Variants in GPR158 observed in about 807,000 individuals in gnomAD.
GPR158 encodes the protein G protein-coupled receptor 158.
Under a neutral mutation model 78.2 loss-of-function variants are expected in GPR158, and 30 were observed. The ratio of observed to expected loss-of-function variants is 0.38; its 90% CI spans 0.29 to 0.52. The LOEUF (loss-of-function observed/expected upper bound fraction) is 0.52. Ranked by LOEUF, GPR158 falls within the 20% of genes least tolerant of loss-of-function variation. The pLI is 0.83. For synonymous variants in GPR158, 581 were observed against 591.1 expected, an observed-to-expected ratio of 0.98 and a Z score of 0.25; for missense variants, 1,463 against 1,523.5, an observed-to-expected ratio of 0.96 and a Z score of 0.66.
chr10:25,236,298 GATCAAAACC>G (rs1853524068), intron 2 of GPR158, among the ~76,000 whole-genome samples: 1 of 152,072 alleles, frequency 6.6e-6, no homozygotes, highest in Admixed American at 6.6e-5. Context: ...GAGCTCAGGA[GATCAAAACC>G]CTCCTGGCTA....
chr10:25,232,772 A>AT (rs989892073), intron 2 of GPR158, among the ~76,000 whole-genome samples: 7 of 152,212 alleles, frequency 4.6e-5, no homozygotes, highest in Non-Finnish European at 8.8e-5. Context: ...ATTTCAAATT[A>AT]TTTTTGTCAT....
Position 25,572,820 on chromosome 10 carries a change from G to A in GPR158, c.1686G>A (p.Gly562=). The A allele has an allele frequency of 6.2e-7, 1 of 1,613,946 alleles. No homozygotes were observed. Among genetic ancestry groups the A allele is most frequent in the Non-Finnish European group, 8.5e-7 (1 of 1,179,858 alleles). Residue 562 remains glycine (G), a synonymous_variant, in exon 7 of 11, where the codon GGG becomes GGA. Coordinates refer to ENST00000376351, the MANE Select transcript of GPR158 (RefSeq NM_020752.3). ...LEKQISLIGQ[G]KTSDHLIFNM... ...AACAGATTTCACTTATTGGCCAGGG[G>A]AAAACATCCGATCACCTCATCTTCA...
chr10:25,241,923 G>A lies in GPR158; in HGVS notation c.1008+20766G>A, dbSNP rs548790737. ...CCATTAGTTGAGACACTCCAATGGA[G>A]GCATTTTAAAAAGTCTCTTGTACTT... On this transcript the variant is annotated intron_variant, in intron 2 of 10. Coordinates refer to ENST00000376351, the MANE Select transcript of GPR158 (RefSeq NM_020752.3). Among the ~76,000 whole-genome samples, 36 of 152,278 alleles carry A rather than the reference G, an allele frequency of 2.4e-4. 1 individual carries two copies. The highest frequency in any genetic ancestry group is 8.7e-4 in the African/African-American group (36 of 41,564).
chr10:25,391,838 C>G (rs1370043341), intron 2 of GPR158, among the ~76,000 whole-genome samples: 1 of 152,046 alleles, frequency 6.6e-6, no homozygotes, highest in Non-Finnish European at 1.5e-5. Context: ...GGCTATGTCC[C>G]CACCCAAATC....
intron 5 of GPR158, among the ~76,000 whole-genome samples, chr10:25,504,239 A>G (rs543651524): frequency 2.0e-5 from 3 of 152,296 alleles, no homozygotes; most frequent in East Asian, 1.9e-4. Context: ...TTTGCCTAGC[A>G]TAGTGCCTGT....
chr10:25,451,028 CAT>C (rs1835209384), intron 4 of GPR158, among the ~76,000 whole-genome samples: 1 of 151,828 alleles, frequency 6.6e-6, no homozygotes, highest in South Asian at 2.1e-4. Context: ...ATGGATGAAC[CAT>C]ATGTTATACT....
At position 25,601,736 on chromosome 10, in the gene GPR158, T is replaced by C. The variant is rs1837501697; in HGVS notation, c.*2462T>C. The C allele has an allele frequency of 6.6e-6, 1 of 152,580 alleles. No homozygotes were observed. The highest frequency in any genetic ancestry group is 1.5e-5 in the Non-Finnish European group (1 of 68,024). 9.5% of individuals were successfully genotyped at this position (152,580 alleles called of 1,614,324 possible). A position where few individuals can be genotyped will look rare whatever the true frequency, so the allele number is the denominator to read the frequency against. ...TTTCCAGATTGATAACCATAGAAAG[T>C]GAATAAACACTTTTAAGGTCGCAAA... On this transcript the variant is annotated 3_prime_UTR_variant, in exon 11 of 11. Transcript: ENST00000376351.
At chr10:25,490,898 A>G (rs2130647138) in intron 5 of GPR158, among the ~76,000 whole-genome samples, 2 of 152,282 alleles carry the variant, frequency 1.3e-5, no homozygotes, top group East Asian at 3.9e-4. Flanking sequence ...ACGCAACCCA[A>G]CAGTACTACT....
chr10:25,281,385 A>G (rs73608256), intron 2 of GPR158, among the ~76,000 whole-genome samples: 29,956 of 147,868 alleles, frequency 0.2, 5,608 homozygotes, highest in African/African-American at 0.49. Flanking sequence ...GCAACATGGT[A>G]AAACCTCACC....
chr10:25,228,967 G>A (rs961784680), intron 2 of GPR158, among the ~76,000 whole-genome samples: 5 of 151,850 alleles, frequency 3.3e-5, no homozygotes, highest in African/African-American at 1.2e-4. Flanking sequence ...CCCCGGAGGC[G>A]GGGTTTACAG....
At chr10:25,521,817 C>A (rs867769135) in intron 5 of GPR158, among the ~76,000 whole-genome samples, 7 of 152,040 alleles carry the variant, frequency 4.6e-5, no homozygotes, top group African/African-American at 1.4e-4. Context: ...AAAGCAATGG[C>A]AGAAAAAAAT....
Position 25,575,066 on chromosome 10 carries a change from C to CAA in GPR158, c.1753+2193_1753+2194dup, listed in dbSNP as rs143994163. Among the ~76,000 whole-genome samples, 122 of 121,118 alleles carry CAA rather than the reference C, an allele frequency of 1.0e-3. 1 individual carries two copies. Among genetic ancestry groups the CAA allele is most frequent in the African/African-American group, 2.3e-3 (73 of 32,386 alleles). 79.5% of individuals were successfully genotyped at this position (121,118 alleles called of 152,430 possible). A position where few individuals can be genotyped will look rare whatever the true frequency, so the allele number is the denominator to read the frequency against. The stretch of plus-strand genomic sequence containing the variant: ...TGGGCAACAGAGCGAGACTCCATCT[C>CAA]AAAAAAAAAAAAAAATAGTGAAGGA... On this transcript the variant is annotated intron_variant, in intron 7 of 10. Coordinates refer to ENST00000376351, the MANE Select transcript of GPR158 (RefSeq NM_020752.3).
chr10:25,331,159 C>G (rs1234825087), intron 2 of GPR158, among the ~76,000 whole-genome samples: 2 of 152,094 alleles, frequency 1.3e-5, no homozygotes, highest in Non-Finnish European at 2.9e-5. Flanking sequence ...AGGCAGGTGT[C>G]AAACTCCTGG....
intron 5 of GPR158, among the ~76,000 whole-genome samples, chr10:25,467,364 T>C (rs1454346703): frequency 1.3e-5 from 2 of 152,172 alleles, no homozygotes; most frequent in African/African-American, 4.8e-5. Context: ...CCACTCAGTA[T>C]CTTCAGGATT....
At chr10:25,202,065 T>C (rs1267316640) in intron 1 of GPR158, among the ~76,000 whole-genome samples, 2 of 152,094 alleles carry the variant, frequency 1.3e-5, no homozygotes, top group African/African-American at 4.8e-5. Context: ...TAGCTCTTCA[T>C]TTTATACATC....
intron 3 of GPR158, among the ~76,000 whole-genome samples, chr10:25,404,964 T>C (rs1486418531): frequency 6.6e-6 from 1 of 152,120 alleles, no homozygotes; most frequent in East Asian, 1.9e-4. Flanking sequence ...CTATTCAGCA[T>C]ACTGTCTGCA....
At chr10:25,466,593 G>T in intron 4 of GPR158, 58 bp from the exon 5 acceptor site, 1 of 1,100,648 alleles carries the variant, frequency 9.1e-7, no homozygotes, top group South Asian at 1.3e-5. Context: ...ACAATAGCGT[G>T]AATTCTCCAG....
rs185298537 is a variant in GPR158 at position 25,261,956 on chromosome 10, A to G, written c.1008+40799A>G. 1.1e-3 allele frequency among the ~76,000 whole-genome samples: 170 copies of G among 152,222 alleles called. 2 individuals carry two copies. In the East Asian group the frequency reaches 0.03, roughly 27 times the overall value. ...CCCTCTTTAATGTAGTGTTCAGAGC[A>G]TCTGAAAATACATGACATAATTATA... On this transcript the variant is annotated intron_variant, in intron 2 of 10. Coordinates refer to ENST00000376351, the MANE Select transcript of GPR158 (RefSeq NM_020752.3).
At chr10:25,434,117 C>T (rs570922702) in intron 4 of GPR158, among the ~76,000 whole-genome samples, 9 of 152,104 alleles carry the variant, frequency 5.9e-5, no homozygotes, top group East Asian at 5.8e-4. Context: ...AGCCGAGATG[C>T]GCCACTGCAC....
Sources: gnomAD v4.1 joint callset for allele counts (sites outside exome capture counted in the v4.1 genomes callset) on GRCh38, gnomAD v4.1.1 for gene constraint, MANE v1.5 for transcripts, NCBI Gene and HGNC (gene_info 2026-07-23, HGNC 2026-07-21) for gene names.